RFX1: variants seen among roughly 807,000 people sequenced by gnomAD.
RFX1 encodes the protein MHC class II regulatory factor RFX1.
Under a neutral mutation model 119.6 loss-of-function variants are expected in RFX1, and 42 were observed. The observed-to-expected ratio is 0.35, with a 90% confidence interval of 0.27 to 0.45. The LOEUF (loss-of-function observed/expected upper bound fraction) is 0.45, where lower values mean the gene tolerates loss of function less well. Ranked by LOEUF, RFX1 falls within the 20% of genes least tolerant of loss-of-function variation. RFX1 has a pLI of 1.00. For synonymous variants in RFX1, 628 were observed against 618.5 expected (o/e 1.02, Z -0.23); for missense variants, 1,118 against 1,368.1 (o/e 0.82, Z 2.88).
chr19:13,979,399 C>G, intron 7 of RFX1, 48 bp downstream of exon 7: 1 of 1,394,368 alleles, frequency 7.2e-7, no homozygotes, highest in African/African-American at 1.5e-5. Flanking sequence ...CCAGCCCCAG[C>G]CCGGGACCAG....
At chr19:13,967,020 G>C (rs1418979670) in intron 12 of RFX1, among the ~76,000 whole-genome samples, 1 of 152,154 alleles carries the variant, frequency 6.6e-6, no homozygotes, top group African/African-American at 2.4e-5. Context: ...GTGGGCCTCT[G>C]AGTCCCGGCT....
chr19:13,973,197 C>G, intron 8 of RFX1, 70 bp from the exon 9 acceptor site: 1 of 1,079,724 alleles, frequency 9.3e-7, no homozygotes. Flanking sequence ...CATGACTGTG[C>G]AGGAAGGGGG....
At chr19:13,977,334 C>G (rs1364493256) in intron 8 of RFX1, among the ~76,000 whole-genome samples, 2 of 151,100 alleles carry the variant, frequency 1.3e-5, no homozygotes, top group Non-Finnish European at 2.9e-5. Context: ...GGATAGAGGG[C>G]TAGAGTTTCT....
chr19:14,006,204 G>A lies in RFX1; in HGVS notation c.-154C>T, dbSNP rs1975373118. On this transcript the variant is annotated 5_prime_UTR_variant, in exon 1 of 21. Transcript: ENST00000254325. ...GTGCTGGGGTCCCCGGGCCGGGCCTGGGGGGTGGGGGTGGGGGTCGGCCGG... is the reference window on the plus strand; with the variant it reads ...GTGCTGGGGTCCCCGGGCCGGGCCTAGGGGGTGGGGGTGGGGGTCGGCCGG... 6.6e-6 allele frequency: 1 copy of A among 152,220 alleles called. No homozygotes were observed. The highest frequency in any genetic ancestry group is 6.6e-5 in the Admixed American group (1 of 15,244). The allele number at this position is 152,220 out of a possible 1,614,324, so 9.4% of individuals were successfully genotyped here.
At chr19:13,977,218 A>G (rs2145574786) in intron 8 of RFX1, among the ~76,000 whole-genome samples, 1 of 151,282 alleles carries the variant, frequency 6.6e-6, no homozygotes, top group South Asian at 2.1e-4. Context: ...TCACTTGAAC[A>G]CAGGAGGCAG....
intron 1 of RFX1, among the ~76,000 whole-genome samples, chr19:13,996,595 G>A (rs1457942751): frequency 6.6e-6 from 1 of 152,190 alleles, no homozygotes; most frequent in Non-Finnish European, 1.5e-5. Flanking sequence ...CGAGGCTGAG[G>A]GGTAGGCTGC....
At chr19:13,979,217 G>C (rs1974352828) in intron 7 of RFX1, among the ~76,000 whole-genome samples, 1 of 152,210 alleles carries the variant, frequency 6.6e-6, no homozygotes, top group African/African-American at 2.4e-5. Flanking sequence ...TCGGAGAGGG[G>C]TTAGAACTGA....
intron 2 of RFX1, among the ~76,000 whole-genome samples, chr19:13,984,986 A>G (rs1204455146): frequency 6.6e-6 from 1 of 151,776 alleles, no homozygotes; most frequent in Non-Finnish European, 1.5e-5. Flanking sequence ...TCAGCCTCCC[A>G]AGTAGCTGGG....
chr19:13,967,776 CCTTA>C (rs1332191685), intron 12 of RFX1, among the ~76,000 whole-genome samples: 1 of 152,156 alleles, frequency 6.6e-6, no homozygotes, highest in Non-Finnish European at 1.5e-5. Context: ...CTGCACCAGG[CCTTA>C]CTTTTAGAAA....
chr19:14,005,923 C>T (rs1290332806), intron 1 of RFX1, among the ~76,000 whole-genome samples, 180 bp downstream of exon 1: 3 of 150,548 alleles, frequency 2.0e-5, no homozygotes, highest in Non-Finnish European at 4.5e-5. Context: ...GCCGCGGGGA[C>T]GGGGGCGGGT....
At chr19:13,978,581 G>C (rs1437796809) in intron 7 of RFX1, among the ~76,000 whole-genome samples, 1 of 152,162 alleles carries the variant, frequency 6.6e-6, no homozygotes, top group Non-Finnish European at 1.5e-5. Flanking sequence ...TGCAGGGGCG[G>C]AGCTGGGACC....
In RFX1 at chr19:13,969,364, C is replaced by A. The variant is rs765893201; in HGVS notation, c.1497-470G>T. On this transcript the variant is annotated intron_variant, in intron 10 of 20. Coordinates refer to ENST00000254325, the MANE Select transcript of RFX1 (RefSeq NM_002918.5). The surrounding 1 kb of genome is among the most constrained non-coding windows in gnomAD (Gnocchi z 4.5). ...ACTGAAATAAGTCATGTAAAAGGCA[C>A]GTGTGGGCCGGGCACGGTGGGGTCA... 1.3e-5 allele frequency among the ~76,000 whole-genome samples: 2 copies of A among 152,100 alleles called. No individual in the cohort carries two copies. Among genetic ancestry groups the A allele is most frequent in the Admixed American group, 6.6e-5 (1 of 15,250 alleles).
At chr19:13,982,839 C>T (rs960005243) in intron 4 of RFX1, among the ~76,000 whole-genome samples, 3 of 152,226 alleles carry the variant, frequency 2.0e-5, no homozygotes, top group Non-Finnish European at 2.9e-5. Context: ...ACCTCATGCG[C>T]AGCCTTCTGG....
Position 13,991,223 on chromosome 19 carries a change from G to A in RFX1, c.319+2302C>T, listed in dbSNP as rs537892734. ...GCTGCCTGATGGTACTCTGTCCCCA[G>A]TAAGGTTGCCTGCAGGGTCAGGGAC... On this transcript the variant is annotated intron_variant, in intron 2 of 20. Coordinates refer to ENST00000254325, the MANE Select transcript of RFX1 (RefSeq NM_002918.5). Among the ~76,000 whole-genome samples, 6 of 152,346 alleles carry A rather than the reference G, an allele frequency of 3.9e-5. No homozygotes were observed. In the South Asian group the frequency reaches 1.0e-3, roughly 26 times the overall value.
At position 13,968,905 on chromosome 19, in the gene RFX1, G is replaced by A. The variant is rs1253047692; in HGVS notation, c.1497-11C>T. ...TACTTGGAGTTGCCCCTGGGAGGGA[G>A]GTGGAGGGGAAGGGCTGGGCTGGGG... On this transcript the variant is annotated splice_polypyrimidine_tract_variant and intron_variant, in intron 10 of 20. Transcript: ENST00000254325. This position sits in a 1 kb window ranked among gnomAD's most constrained non-coding sequence, Gnocchi z 5.5. The A allele has an allele frequency of 1.1e-5, 17 of 1,547,440 alleles. No individual in the cohort carries two copies. The Admixed American group carries it at 3.3e-4, about 30-fold the overall frequency.
Position 13,993,577 on chromosome 19 carries a change from A to C in RFX1, c.267T>G (p.Gly89=). ...PAVPAPSQPT[G]APTPSPAPQQ... is the part of the protein sequence containing the mutation. ...GGGGTGCAGGCGAAGGGGTGGGTGCACCGGTTGGCTGCGAGGGTGCGGGTA... is the reference window on the plus strand; with the variant it reads ...GGGGTGCAGGCGAAGGGGTGGGTGCCCCGGTTGGCTGCGAGGGTGCGGGTA... The change falls in exon 2 of 21, where the codon GGT becomes GGG. Residue 89 remains glycine (G), a synonymous_variant. Transcript: ENST00000254325. 6.2e-7 allele frequency: 1 copy of C among 1,612,964 alleles called. No individual in the cohort carries two copies. The highest frequency in any genetic ancestry group is 1.7e-4 in the Middle Eastern group (1 of 5,998).
At chr19:14,000,135 T>C (rs1358845593) in intron 1 of RFX1, among the ~76,000 whole-genome samples, 2 of 152,302 alleles carry the variant, frequency 1.3e-5, no homozygotes, top group East Asian at 1.9e-4. Context: ...ATGATGTGTG[T>C]TTCTCTCATC....
In RFX1 at chr19:13,966,724, G is replaced by T. The variant is rs775302421; in HGVS notation, c.1760C>A (p.Thr587Lys). 6.2e-7 allele frequency: 1 copy of T among 1,610,744 alleles called. No individual in the cohort carries two copies. The highest frequency in any genetic ancestry group is 1.1e-5 in the South Asian group (1 of 90,906). ...LDASRSLPDF[T>K]ELDLQGKVLP... is the part of the protein sequence containing the mutation. ...CACCTTGCCCTGGAGGTCGAGCTCTGTGAAGTCAGGGAGGCTCCGAGAGGC... is the reference window on the plus strand; with the variant it reads ...CACCTTGCCCTGGAGGTCGAGCTCTTTGAAGTCAGGGAGGCTCCGAGAGGC... The change falls in exon 13 of 21, where the codon ACA becomes AAA. Residue 587 changes from threonine (T) to lysine (K), a missense_variant. Thr to Lys is a moderately conservative substitution (Grantham distance 78). This residue lies in a region of RFX1 where 338 missense variants were observed against 508.9 expected (regional missense o/e 0.66). Coordinates refer to ENST00000254325, the MANE Select transcript of RFX1 (RefSeq NM_002918.5). This position sits in a 1 kb window ranked among gnomAD's most constrained non-coding sequence, Gnocchi z 6.3.
Position 13,968,548 on chromosome 19 carries a change from G to A in RFX1, c.1732+17C>T. On this transcript the variant is annotated intron_variant, in intron 12 of 20. Coordinates refer to ENST00000254325, the MANE Select transcript of RFX1 (RefSeq NM_002918.5). The surrounding 1 kb of genome is among the most constrained non-coding windows in gnomAD (Gnocchi z 5.5). ...GGGAGGCGGTGGTTGGGGAAGCACG[G>A]GCCAGGGAGCTCTCACCCAAAAATT... 6.3e-7 allele frequency: 1 copy of A among 1,596,546 alleles called. No homozygotes were observed. The highest frequency in any genetic ancestry group is 8.6e-7 in the Non-Finnish European group (1 of 1,164,694).
Sources: gnomAD v4.1 joint callset for allele counts (sites outside exome capture counted in the v4.1 genomes callset) on GRCh38, gnomAD v4.1.1 for gene constraint, gnomAD v4.1.1 regional missense constraint, Gnocchi (gnomAD v3.1) non-coding constraint, MANE v1.5 for transcripts, NCBI Gene and HGNC (gene_info 2026-07-23, HGNC 2026-07-21) for gene names.